The following ADCY2 variants were observed in gnomAD, a reference collection of about 807,000 sequenced individuals.
ADCY2 encodes the protein adenylate cyclase type 2.
In ADCY2, 31 loss-of-function variants were observed where a neutral mutation model predicts 125.2. That is an observed-to-expected ratio of 0.25 (90% CI 0.19 to 0.33). The LOEUF is 0.33. Among genes scored for constraint, ADCY2 ranks in the 10% least tolerant of loss-of-function variants. The probability of loss-of-function intolerance (pLI) is 1.00; values close to 1 mark genes in which losing one functional copy is unlikely to be tolerated. For synonymous variants in ADCY2, 512 were observed against 548.4 expected, an observed-to-expected ratio of 0.93 and a Z score of 0.93; for missense variants, 904 against 1,418.2, an observed-to-expected ratio of 0.64 and a Z score of 5.82.
intron 2 of ADCY2, among the ~76,000 whole-genome samples, chr5:7,451,026 C>G (rs1447187357): frequency 1.3e-5 from 2 of 152,240 alleles, no homozygotes; most frequent in Non-Finnish European, 2.9e-5. Flanking sequence ...GCCTGATCAC[C>G]CAAGAGCTCT....
intron 3 of ADCY2, among the ~76,000 whole-genome samples, chr5:7,552,772 T>G (rs1461302422): frequency 6.6e-6 from 1 of 152,222 alleles, no homozygotes; most frequent in Non-Finnish European, 1.5e-5. Flanking sequence ...TCTCAGCGTT[T>G]GTAAAAAAGG....
chr5:7,490,910 G>A (rs1028909353), intron 2 of ADCY2, among the ~76,000 whole-genome samples: 1 of 152,168 alleles, frequency 6.6e-6, no homozygotes, highest in African/African-American at 2.4e-5. Flanking sequence ...TATGATACAA[G>A]TAAGAAATAG....
intron 20 of ADCY2, chr5:7,797,282 C>T (rs1040356848): frequency 1.3e-5 from 2 of 152,152 alleles, no homozygotes; most frequent in South Asian, 2.1e-4. Flanking sequence ...GAAACGTGGA[C>T]GATCCAAAGC....
At chr5:7,724,780 G>A (rs1181773577) in intron 13 of ADCY2, among the ~76,000 whole-genome samples, 166 bp downstream of exon 13, 4 of 151,716 alleles carry the variant, frequency 2.6e-5, no homozygotes, top group African/African-American at 4.8e-5. Context: ...ATTGCTTTAC[G>A]GTATTTCTTG....
At chr5:7,532,992 G>A (rs188226940) in intron 3 of ADCY2, among the ~76,000 whole-genome samples, 1 of 149,880 alleles carries the variant, frequency 6.7e-6, no homozygotes, top group South Asian at 2.1e-4. Flanking sequence ...GTAAATATGT[G>A]TATATAAACA....
chr5:7,417,132 A>G (rs1304299914), intron 2 of ADCY2, among the ~76,000 whole-genome samples: 1 of 152,194 alleles, frequency 6.6e-6, no homozygotes. Context: ...ATCAAATGGC[A>G]TGGCATGTCT....
intron 2 of ADCY2, among the ~76,000 whole-genome samples, chr5:7,430,574 G>T (rs1561021492): frequency 6.8e-6 from 1 of 148,028 alleles, no homozygotes; most frequent in Admixed American, 6.8e-5. Context: ...TATATATAGT[G>T]TATATATATA....
Position 7,772,827 on chromosome 5 carries a change from T to C in ADCY2, c.2215-105T>C, listed in dbSNP as rs1383190326. 5.5e-6 allele frequency: 6 copies of C among 1,084,468 alleles called. No homozygotes were observed. The African/African-American group carries it at 9.4e-5, about 17-fold the overall frequency. 67.2% of individuals were successfully genotyped at this position (1,084,468 alleles called of 1,614,324 possible). ...CAAGCCTCTGTTTTCACAGCCACCT[T>C]ATATGTTGACCAGATGAGATGGGCG... On this transcript the variant is annotated intron_variant, in intron 17 of 24. Coordinates refer to ENST00000338316, the MANE Select transcript of ADCY2 (RefSeq NM_020546.3).
chr5:7,784,137 G>C (rs1331813628), intron 18 of ADCY2, among the ~76,000 whole-genome samples: 1 of 152,054 alleles, frequency 6.6e-6, no homozygotes, highest in African/African-American at 2.4e-5. Flanking sequence ...GGTATAGCTT[G>C]ATATAAAGTA....
At chr5:7,717,127 C>T (rs1339789085) in intron 11 of ADCY2, 30 bp from the exon 12 acceptor site, 38 of 1,438,658 alleles carry the variant, frequency 2.6e-5, no homozygotes, top group Non-Finnish European at 3.6e-5. Flanking sequence ...TAATAATATC[C>T]TTACCCATAA....
chr5:7,437,189 TG>T (rs1740836923), intron 2 of ADCY2, among the ~76,000 whole-genome samples: 2 of 152,158 alleles, frequency 1.3e-5, no homozygotes, highest in South Asian at 4.1e-4. Context: ...AGCCCATGCA[TG>T]TAAGGGATTG....
intron 2 of ADCY2, among the ~76,000 whole-genome samples, chr5:7,422,362 G>A (rs2126353496): frequency 6.6e-6 from 1 of 152,098 alleles, no homozygotes; most frequent in Middle Eastern, 3.4e-3. Context: ...TTTCTGACAA[G>A]CACGGATCCA....
At chr5:7,758,188 G>C (rs1384802089) in intron 16 of ADCY2, among the ~76,000 whole-genome samples, 1 of 152,152 alleles carries the variant, frequency 6.6e-6, no homozygotes, top group Non-Finnish European at 1.5e-5. Flanking sequence ...TACCAAGGTG[G>C]TTCTAAGGAT....
chr5:7,714,760 A>C (rs1741544996), intron 11 of ADCY2, among the ~76,000 whole-genome samples: 1 of 152,228 alleles, frequency 6.6e-6, no homozygotes. Flanking sequence ...CCCAGTTCTG[A>C]GTCAGACTTA....
chr5:7,713,638 C>A (rs1417740303), intron 11 of ADCY2, among the ~76,000 whole-genome samples: 1 of 152,168 alleles, frequency 6.6e-6, no homozygotes, highest in Non-Finnish European at 1.5e-5. Context: ...ACAAATGTCT[C>A]CACACGCCCT....
At chr5:7,633,661 A>C (rs1257452500) in intron 4 of ADCY2, among the ~76,000 whole-genome samples, 2 of 152,288 alleles carry the variant, frequency 1.3e-5, no homozygotes. Context: ...GTCCACAGTG[A>C]AGAAGCAACT....
At chr5:7,476,403 C>T (rs1157659891) in intron 2 of ADCY2, among the ~76,000 whole-genome samples, 3 of 152,080 alleles carry the variant, frequency 2.0e-5, no homozygotes, top group South Asian at 2.1e-4. Flanking sequence ...AAACAGCGTC[C>T]TGTGAGGGAA....
At chr5:7,490,150 A>C (rs767436255) in intron 2 of ADCY2, among the ~76,000 whole-genome samples, 1 of 152,166 alleles carries the variant, frequency 6.6e-6, no homozygotes, top group African/African-American at 2.4e-5. Context: ...GAAAGTTTTC[A>C]TAGATTAAAA....
At chr5:7,561,776 T>C (rs1484231212) in intron 3 of ADCY2, among the ~76,000 whole-genome samples, 1 of 152,194 alleles carries the variant, frequency 6.6e-6, no homozygotes, top group Non-Finnish European at 1.5e-5. Context: ...GTTTTAGGAA[T>C]AAACTGTTCA....
Sources: allele counts gnomAD v4.1 joint callset (sites outside exome capture counted in the v4.1 genomes callset), GRCh38; gene constraint gnomAD v4.1.1; transcripts MANE v1.5; gene names NCBI Gene and HGNC (gene_info 2026-07-23, HGNC 2026-07-21).